Variants in ZNF761 observed in about 807,000 individuals in gnomAD.
The protein encoded by ZNF761 is zinc finger protein 761.
Under a neutral mutation model 59.9 loss-of-function variants are expected in ZNF761, and 43 were observed. That is an observed-to-expected ratio of 0.72 (90% CI 0.56 to 0.92). The LOEUF (loss-of-function observed/expected upper bound fraction) is 0.92, where lower values mean the gene tolerates loss of function less well. ZNF761 is among the 40% of genes least tolerant of loss of function. The pLI is 0.00. For missense variants in ZNF761, 850 were observed against 906.1 expected, an observed-to-expected ratio of 0.94 and a Z score of 0.79; for synonymous variants, 294 against 304.8, an observed-to-expected ratio of 0.96 and a Z score of 0.37.
chr19:53,455,836 T>C lies in ZNF761; in HGVS notation c.1329T>C (p.Cys443=). 1.2e-6 allele frequency: 2 copies of C among 1,613,806 alleles called. No homozygotes were observed. Among genetic ancestry groups the C allele is most frequent in the Middle Eastern group, 1.7e-4 (1 of 6,058 alleles). ...TEDNAYKCNE[C]GKTFSRTSSL... ...ACAATGCTTACAAGTGTAATGAGTG[T>C]GGAAAGACCTTTAGCCGGACATCAT... The change falls in exon 5 of 5, where the codon TGT becomes TGC. Residue 443 remains cysteine (C), a synonymous_variant. Coordinates refer to ENST00000684525, the MANE Select transcript of ZNF761 (RefSeq NM_001289951.2).
chr19:53,440,146 C>A (rs1025726738), intron 1 of ZNF761, among the ~76,000 whole-genome samples: 3 of 129,518 alleles, frequency 2.3e-5, no homozygotes, highest in African/African-American at 8.9e-5. Flanking sequence ...GTGAGACCCC[C>A]CCGTCTTGGC....
chr19:53,447,959 T>A (rs2086178705), intron 3 of ZNF761, among the ~76,000 whole-genome samples: 1 of 152,184 alleles, frequency 6.6e-6, no homozygotes, highest in Non-Finnish European at 1.5e-5. Context: ...GTGAAACAGG[T>A]GTTTTCATTA....
chr19:53,446,886 T>G lies in ZNF761; in HGVS notation c.-73-310T>G, dbSNP rs553513960. On this transcript the variant is annotated intron_variant, in intron 2 of 4. Coordinates refer to ENST00000684525, the MANE Select transcript of ZNF761 (RefSeq NM_001289951.2). Reference sequence around the variant, plus strand: ...ATCTATCTGCCTCAGCCTCCCAGAGTGCTGGGATGACAGGCATGAGGCACC... The same window carrying G: ...ATCTATCTGCCTCAGCCTCCCAGAGGGCTGGGATGACAGGCATGAGGCACC... Among the ~76,000 whole-genome samples, 4 of 152,186 alleles carry G rather than the reference T, an allele frequency of 2.6e-5. No homozygotes were observed. In the South Asian group the frequency reaches 8.3e-4, roughly 32 times the overall value.
At chr19:53,444,106 A>G (rs1193792099) in intron 1 of ZNF761, 1 of 152,210 alleles carries the variant, frequency 6.6e-6, no homozygotes, top group African/African-American at 2.4e-5. Context: ...AAGCCTGGGT[A>G]TTGTCCAAGG....
intron 1 of ZNF761, among the ~76,000 whole-genome samples, chr19:53,435,289 CTTTTTTTTTTTTTTTT>C (rs368157010): frequency 0.024 from 1,311 of 53,614 alleles, 17 homozygotes; most frequent in Middle Eastern, 0.034. Context: ...AATACAAGTC[CTTTTTTTTTTTTTTTT>C]TTTTTTTTTT....
chr19:53,437,254 G>T (rs546524811), intron 1 of ZNF761, among the ~76,000 whole-genome samples: 16 of 151,970 alleles, frequency 1.1e-4, no homozygotes, highest in African/African-American at 3.6e-4. Flanking sequence ...GGAAGCAGAG[G>T]TTGCAGTGAG....
chr19:53,447,758 C>G (rs2086176479), intron 3 of ZNF761, among the ~76,000 whole-genome samples: 1 of 152,144 alleles, frequency 6.6e-6, no homozygotes, highest in South Asian at 2.1e-4. Flanking sequence ...GAGTGAGTTA[C>G]TGTGTTTCTG....
intron 4 of ZNF761, chr19:53,449,840 C>T: frequency 7.5e-7 from 1 of 1,331,178 alleles, no homozygotes; most frequent in Non-Finnish European, 1.0e-6. Flanking sequence ...GTGCATGCCA[C>T]CATGTTTGGG....
At chr19:53,442,299 G>A in intron 1 of ZNF761, 1 of 1,301,740 alleles carries the variant, frequency 7.7e-7, no homozygotes, top group Non-Finnish European at 1.1e-6. Flanking sequence ...AGAGGAACGA[G>A]CTGAGCTGGC....
chr19:53,457,166 T>C lies in ZNF761; in HGVS notation c.*418T>C, dbSNP rs1406760795. On this transcript the variant is annotated 3_prime_UTR_variant, in exon 5 of 5. Coordinates refer to ENST00000684525, the MANE Select transcript of ZNF761 (RefSeq NM_001289951.2). ...GTGTAGGGAAACTTTACTAAGGTAATGATTGTCACAAAGTCTTCAGTAATG... is the reference window on the plus strand; with the variant it reads ...GTGTAGGGAAACTTTACTAAGGTAACGATTGTCACAAAGTCTTCAGTAATG... 3.9e-6 allele frequency: 2 copies of C among 511,158 alleles called. No individual in the cohort carries two copies. The highest frequency in any genetic ancestry group is 7.8e-6 in the Non-Finnish European group (2 of 257,524). 31.7% of individuals were successfully genotyped at this position (511,158 alleles called of 1,614,324 possible).
intron 1 of ZNF761, among the ~76,000 whole-genome samples, chr19:53,439,686 A>G (rs1600084974): frequency 6.6e-6 from 1 of 152,190 alleles, no homozygotes; most frequent in East Asian, 1.9e-4. Context: ...CCTGGTTTAT[A>G]GCATGCAAAT....
intron 3 of ZNF761, 109 bp from the exon 4 acceptor site, chr19:53,449,403 A>G: frequency 6.2e-7 from 1 of 1,605,868 alleles, no homozygotes. Context: ...CAGATTTGTT[A>G]GAACATTCAC....
Position 53,456,054 on chromosome 19 carries a change from A to C in ZNF761, c.1547A>C (p.His516Pro). 6.2e-7 allele frequency: 1 copy of C among 1,603,464 alleles called. No individual in the cohort carries two copies. The highest frequency in any genetic ancestry group is 8.5e-7 in the Non-Finnish European group (1 of 1,172,056). The change falls in exon 5 of 5, where the codon CAT (histidine) becomes CCT (proline). Residue 516 changes from histidine (H) to proline (P), a missense_variant. By Grantham distance (77) the His-to-Pro change is moderately conservative. Transcript: ENST00000684525. ...KSYLTCHHRL[H>P]TGEKAYKCNE... is the part of the protein sequence containing the mutation. The stretch of plus-strand genomic sequence containing the variant: ...TACCTCACATGCCATCATAGACTTC[A>C]TACTGGAGAGAAAGCTTACAAGTGT...
chr19:53,451,338 G>A (rs563046995), intron 4 of ZNF761, among the ~76,000 whole-genome samples: 1 of 152,162 alleles, frequency 6.6e-6, no homozygotes, highest in Non-Finnish European at 1.5e-5. Context: ...AGTGTCATGA[G>A]TAGCTGGGAT....
At chr19:53,444,965 C>CT (rs151295124) in intron 1 of ZNF761, 29,971 of 145,966 alleles carry the variant, frequency 0.21, 3,423 homozygotes, top group Non-Finnish European at 0.26. Flanking sequence ...ACCCATGATT[C>CT]TTTTTTTTCT....
chr19:53,445,006 G>GT (rs1310868396), intron 1 of ZNF761: 8 of 141,888 alleles, frequency 5.6e-5, no homozygotes, highest in Non-Finnish European at 1.1e-4. Flanking sequence ...TTCAGATGGA[G>GT]TTTCGCTCTT....
Position 53,455,010 on chromosome 19 carries a change from T to C in ZNF761, c.503T>C (p.Val168Ala). 3 of 1,614,142 alleles carry C rather than the reference T, an allele frequency of 1.9e-6. No individual in the cohort carries two copies. Among genetic ancestry groups the C allele is most frequent in the Non-Finnish European group, 2.5e-6 (3 of 1,180,028 alleles). ...EKIDNQVVKSVHDASLVSTAQ... is the reference protein window; with the variant it reads ...EKIDNQVVKSAHDASLVSTAQ... Reference sequence around the variant, plus strand: ...ATTGATAATCAAGTTGTGAAGTCTGTCCACGATGCTTCCTTGGTTTCAACA... The same window carrying C: ...ATTGATAATCAAGTTGTGAAGTCTGCCCACGATGCTTCCTTGGTTTCAACA... Residue 168 changes from valine (V) to alanine (A), a missense_variant, in exon 5 of 5, where the codon GTC (valine) becomes GCC (alanine). Physicochemically the swap from Val to Ala is moderately conservative, Grantham distance 64. Transcript: ENST00000684525.
chr19:53,449,670 G>A (rs1308982836), intron 4 of ZNF761, 32 bp downstream of exon 4: 3 of 1,586,250 alleles, frequency 1.9e-6, no homozygotes, highest in African/African-American at 1.4e-5. Context: ...AAGTGGGAAT[G>A]TGCCCTTGTG....
At chr19:53,439,876 G>A (rs1224291766) in intron 1 of ZNF761, among the ~76,000 whole-genome samples, 2 of 152,140 alleles carry the variant, frequency 1.3e-5, no homozygotes, top group East Asian at 3.9e-4. Flanking sequence ...AACCCGAACA[G>A]GAGTTGCTTC....
Sources: gnomAD v4.1 joint callset for allele counts (sites outside exome capture counted in the v4.1 genomes callset) on GRCh38, gnomAD v4.1.1 for gene constraint, MANE v1.5 for transcripts, NCBI Gene and HGNC (gene_info 2026-07-23, HGNC 2026-07-21) for gene names.